ZMYM2: variants seen among roughly 807,000 people sequenced by gnomAD.
ZMYM2 encodes the protein zinc finger MYM-type containing 2, also known as zinc finger MYM-type protein 2.
ZMYM2 carries 56 observed loss-of-function variants against 162.8 expected under a neutral mutation model. That is an observed-to-expected ratio of 0.34 (90% CI 0.28 to 0.43). The LOEUF (loss-of-function observed/expected upper bound fraction) is 0.43. Ranked by LOEUF, ZMYM2 falls within the 20% of genes least tolerant of loss-of-function variation. ZMYM2 has a pLI of 1.00. For missense variants in ZMYM2, 1,275 were observed against 1,621.8 expected (o/e 0.79, Z 3.67); for synonymous variants, 510 against 541.6 (o/e 0.94, Z 0.81).
chr13:19,933,694 GC>G, the ZMYM2 span, among the ~76,000 whole-genome samples: 1 of 152,202 alleles, frequency 6.6e-6, no homozygotes, highest in Non-Finnish European at 1.5e-5. Flanking sequence ...GAATTCTGGA[GC>G]TGTCCTGGCC....
intron 3 of ZMYM2, among the ~76,000 whole-genome samples, chr13:19,996,657 C>T (rs1385339437): frequency 6.6e-6 from 1 of 152,000 alleles, no homozygotes; most frequent in Non-Finnish European, 1.5e-5. Flanking sequence ...GCGGAGGTTG[C>T]AGTGAGCAGA....
chr13:19,952,936 T>C, the ZMYM2 span, among the ~76,000 whole-genome samples: 1 of 152,340 alleles, frequency 6.6e-6, no homozygotes, highest in Non-Finnish European at 1.5e-5. Flanking sequence ...CTTTAAGAGA[T>C]GTGAGCCCTC....
chr13:20,005,277 A>G, intron 5 of ZMYM2, 38 bp downstream of exon 5: 2 of 1,408,390 alleles, frequency 1.4e-6, no homozygotes, highest in African/African-American at 1.5e-5. Context: ...ATTCTAACAA[A>G]TAGGAATATT....
chr13:19,912,148 TC>T, the ZMYM2 span, among the ~76,000 whole-genome samples: 1 of 151,546 alleles, frequency 6.6e-6, no homozygotes, highest in Non-Finnish European at 1.5e-5. Context: ...GCAAATGCTT[TC>T]TTCTCCACAC....
the ZMYM2 span, among the ~76,000 whole-genome samples, chr13:19,902,840 A>G: frequency 2.6e-5 from 4 of 151,858 alleles, no homozygotes; most frequent in African/African-American, 7.3e-5. Context: ...ATAGGGAGAC[A>G]TCGTCTCTAC....
At chr13:19,985,121 A>G (rs1195331311) in intron 2 of ZMYM2, among the ~76,000 whole-genome samples, 1 of 152,052 alleles carries the variant, frequency 6.6e-6, no homozygotes, top group African/African-American at 2.4e-5. Context: ...ATTCAGCTTC[A>G]TTGTGTTTTT....
At chr13:19,961,598 TA>T (rs1955215670) in intron 2 of ZMYM2, among the ~76,000 whole-genome samples, 1 of 152,174 alleles carries the variant, frequency 6.6e-6, no homozygotes, top group African/African-American at 2.4e-5. Flanking sequence ...GTTATGTTGA[TA>T]GGGGAAGCTT....
chr13:19,874,917 C>A, the ZMYM2 span, among the ~76,000 whole-genome samples: 1 of 152,094 alleles, frequency 6.6e-6, no homozygotes, highest in Admixed American at 6.6e-5. Context: ...CAAAATATAA[C>A]AGATGTGGGT....
intron 12 of ZMYM2, among the ~76,000 whole-genome samples, chr13:20,042,086 G>A (rs1954305425): frequency 6.6e-6 from 1 of 152,126 alleles, no homozygotes; most frequent in Non-Finnish European, 1.5e-5. Flanking sequence ...TACATTTCCT[G>A]AATTTGAATG....
At chr13:20,055,984 C>T (rs1201988727) in intron 14 of ZMYM2, among the ~76,000 whole-genome samples, 1 of 152,048 alleles carries the variant, frequency 6.6e-6, no homozygotes, top group African/African-American at 2.4e-5. Context: ...AGAATACCTA[C>T]GAAGTGTTAT....
intron 6 of ZMYM2, among the ~76,000 whole-genome samples, chr13:20,011,355 C>T (rs1321071712): frequency 6.6e-6 from 1 of 152,090 alleles, no homozygotes; most frequent in African/African-American, 2.4e-5. Flanking sequence ...TTCAAACAAT[C>T]CACATCTGAA....
rs774452570 is a variant in ZMYM2 at position 20,063,403 on chromosome 13, TA to T, written c.3037+455del. 6.2e-3 allele frequency among the ~76,000 whole-genome samples: 746 copies of T among 121,214 alleles called. 3 individuals carry two copies. The highest frequency in any genetic ancestry group is 0.01 in the African/African-American group (333 of 31,882). The allele number at this position is 121,214 out of a possible 152,430, so 79.5% of individuals were successfully genotyped here. Reference sequence around the variant, plus strand: ...GGGCAGCAGAGTGAGACCCTGTCTTTAAAAAAAAAAAAAAAAAAAAAAATTC... The same window carrying T: ...GGGCAGCAGAGTGAGACCCTGTCTTTAAAAAAAAAAAAAAAAAAAAAATTC... On this transcript the variant is annotated intron_variant, in intron 18 of 24. Transcript: ENST00000610343.
At chr13:19,979,001 C>T in intron 2 of ZMYM2, among the ~76,000 whole-genome samples, 1 of 151,258 alleles carries the variant, frequency 6.6e-6, no homozygotes, top group East Asian at 1.9e-4. Context: ...GGATGTTTTG[C>T]TGCGTATAGA....
chr13:19,903,056 C>T, the ZMYM2 span, among the ~76,000 whole-genome samples: 780 of 151,276 alleles, frequency 5.2e-3, 3 homozygotes, highest in African/African-American at 0.018. Flanking sequence ...CTTGGGAGGC[C>T]GAGGCAGGAT....
chr13:19,913,571 A>G, the ZMYM2 span, among the ~76,000 whole-genome samples: 2 of 152,162 alleles, frequency 1.3e-5, no homozygotes, highest in Non-Finnish European at 2.9e-5. Flanking sequence ...CTAAAAATAC[A>G]AAACCTAGCC....
At chr13:19,952,647 A>G in the ZMYM2 span, among the ~76,000 whole-genome samples, 1 of 152,200 alleles carries the variant, frequency 6.6e-6, no homozygotes, top group Admixed American at 6.5e-5. Flanking sequence ...TTATTACTCA[A>G]TAATAAAGCC....
At chr13:19,931,001 C>T in the ZMYM2 span, among the ~76,000 whole-genome samples, 2,897 of 150,888 alleles carry the variant, frequency 0.019, 95 homozygotes, top group African/African-American at 0.066. Context: ...TAGCCAGGCG[C>T]GGTGGCGGGC....
intron 23 of ZMYM2, 83 bp from the exon 24 acceptor site, chr13:20,083,563 GTCCTATTCTT>G (rs1384579429): frequency 1.0e-6 from 1 of 989,896 alleles, no homozygotes; most frequent in Non-Finnish European, 1.5e-6. Flanking sequence ...GGGGCACCTG[GTCCTATTCTT>G]TGGTATAACA....
chr13:20,035,145 A>AG (rs1252868960), intron 11 of ZMYM2, among the ~76,000 whole-genome samples: 2 of 152,166 alleles, frequency 1.3e-5, no homozygotes, highest in Admixed American at 1.3e-4. Context: ...TTTTTTAATG[A>AG]GGAATATTTT....
Sources: allele counts gnomAD v4.1 joint callset (sites outside exome capture counted in the v4.1 genomes callset), GRCh38; gene constraint gnomAD v4.1.1; transcripts MANE v1.5; gene names NCBI Gene and HGNC (gene_info 2026-07-23, HGNC 2026-07-21).